FANCI: variants seen among roughly 807,000 people sequenced by gnomAD.
FANCI encodes Fanconi anemia group I protein.
FANCI carries 156 observed loss-of-function variants against 176.1 expected under a neutral mutation model. That is an observed-to-expected ratio of 0.89 (90% CI 0.78 to 1.01). The LOEUF (loss-of-function observed/expected upper bound fraction) is 1.01. FANCI is among the 50% of genes least tolerant of loss of function. FANCI has a pLI of 0.00. For missense variants in FANCI, 1,678 were observed against 1,534.1 expected (o/e 1.09, Z -1.57); for synonymous variants, 613 against 541.7 (o/e 1.13, Z -1.83).
chr15:89,255,433 A>G (rs1227163096), intron 2 of FANCI, among the ~76,000 whole-genome samples: 3 of 152,206 alleles, frequency 2.0e-5, no homozygotes, highest in African/African-American at 7.2e-5. Flanking sequence ...GCATGATCTT[A>G]AAGTGTCTCC....
At chr15:89,315,496 TA>T in intron 37 of FANCI, 107 bp downstream of exon 37, 1 of 782,020 alleles carries the variant, frequency 1.3e-6, no homozygotes, top group Non-Finnish European at 2.3e-6. Flanking sequence ...GGGAAAGGGC[TA>T]AAAGGTGATC....
chr15:89,306,511 G>A (rs961305357), intron 32 of FANCI, among the ~76,000 whole-genome samples: 3 of 152,064 alleles, frequency 2.0e-5, no homozygotes, highest in South Asian at 4.2e-4. Context: ...GGCCAACATG[G>A]TGAAACCCCG....
chr15:89,259,795 G>C (rs957751914), intron 3 of FANCI, among the ~76,000 whole-genome samples: 1 of 152,250 alleles, frequency 6.6e-6, no homozygotes, highest in East Asian at 1.9e-4. Flanking sequence ...TGTTACAAAG[G>C]TTCCTCTATG....
At chr15:89,257,803 C>G (rs1466060153) in intron 2 of FANCI, among the ~76,000 whole-genome samples, 1 of 152,164 alleles carries the variant, frequency 6.6e-6, no homozygotes, top group African/African-American at 2.4e-5. Context: ...TCATCTCTCT[C>G]TTAAACATGG....
intron 19 of FANCI, 124 bp downstream of exon 19, chr15:89,290,405 T>C (rs927784426): frequency 1.3e-6 from 1 of 776,556 alleles, no homozygotes; most frequent in South Asian, 1.5e-5. Flanking sequence ...TTTGTGAACA[T>C]GCTGTGGGTA....
intron 30 of FANCI, 89 bp from the exon 31 acceptor site, chr15:89,305,516 C>T: frequency 2.5e-6 from 4 of 1,594,022 alleles, no homozygotes; most frequent in Non-Finnish European, 3.4e-6. Context: ...AGGCCTGTAA[C>T]CCACCTGTAG....
intron 29 of FANCI, 48 bp downstream of exon 29, chr15:89,305,290 C>G (rs751053846): frequency 1.9e-6 from 3 of 1,614,016 alleles, no homozygotes; most frequent in Non-Finnish European, 2.5e-6. Flanking sequence ...GGATGGGGGT[C>G]AAGGGAACAA....
chr15:89,291,718 A>G lies in FANCI; in HGVS notation c.1992+4A>G. On this transcript the variant is annotated splice_donor_region_variant and intron_variant, in intron 20 of 37. Coordinates refer to ENST00000310775, the MANE Select transcript of FANCI (RefSeq NM_001113378.2). ...GATCTCTCTACAAGAACCACTGGTGAGACTTTTATTCTTCCTTCAACCATT... is the reference window on the plus strand; with the variant it reads ...GATCTCTCTACAAGAACCACTGGTGGGACTTTTATTCTTCCTTCAACCATT... 1.2e-6 allele frequency: 2 copies of G among 1,607,502 alleles called. No homozygotes were observed. Among genetic ancestry groups the G allele is most frequent in the Non-Finnish European group, 1.7e-6 (2 of 1,174,246 alleles).
intron 27 of FANCI, among the ~76,000 whole-genome samples, chr15:89,302,963 C>G (rs371669473): frequency 6.6e-6 from 1 of 152,064 alleles, no homozygotes; most frequent in Non-Finnish European, 1.5e-5. Context: ...AATGGTGTCC[C>G]CCACCCATGT....
chr15:89,259,123 C>T (rs1465437945), intron 3 of FANCI: 2 of 304,490 alleles, frequency 6.6e-6, no homozygotes, highest in South Asian at 3.3e-5. Flanking sequence ...CAAGTAACCT[C>T]TGGGGTTTAA....
At chr15:89,261,508 A>G (rs1201929860) in intron 4 of FANCI, 77 bp from the exon 5 acceptor site, 4 of 1,576,112 alleles carry the variant, frequency 2.5e-6, no homozygotes, top group South Asian at 1.1e-5. Context: ...TATTTCAGCA[A>G]AAGACTTTAT....
chr15:89,298,225 A>T (rs965899414), intron 24 of FANCI, among the ~76,000 whole-genome samples: 20 of 152,194 alleles, frequency 1.3e-4, no homozygotes, highest in Admixed American at 6.5e-4. Context: ...TTTTAGGTGC[A>T]CATGGTGTAT....
rs139859584 is a variant in FANCI, at chr15:89,313,973, T to TCACACACACACA, written c.3721-620_3721-609dup. On this transcript the variant is annotated intron_variant, in intron 35 of 37. Transcript: ENST00000310775. ...TCACGTTAGGGGGAAAGATATATAA[T>TCACACACACACA]CACACACACACACACACACACACAC... Among the ~76,000 whole-genome samples the TCACACACACACA allele has an allele frequency of 3.2e-3, 310 of 98,348 alleles. 3 individuals are homozygous for TCACACACACACA. The highest frequency in any genetic ancestry group is 0.012 in the African/African-American group (289 of 23,426). 64.5% of individuals were successfully genotyped at this position (98,348 alleles called of 152,430 possible).
intron 12 of FANCI, 115 bp downstream of exon 12, chr15:89,274,419 C>A: frequency 8.8e-7 from 1 of 1,131,766 alleles, no homozygotes; most frequent in South Asian, 1.3e-5. Context: ...CAGCTGTTGA[C>A]GTCACACATC....
intron 12 of FANCI, among the ~76,000 whole-genome samples, chr15:89,275,749 G>A (rs1032645200): frequency 3.3e-5 from 5 of 152,208 alleles, no homozygotes; most frequent in African/African-American, 1.2e-4. Flanking sequence ...TTCCTGGAAA[G>A]CTTCCCATCT....
intron 25 of FANCI, 136 bp downstream of exon 25, chr15:89,300,102 C>T (rs994831104): frequency 1.8e-6 from 2 of 1,096,748 alleles, no homozygotes; most frequent in Non-Finnish European, 2.8e-6. Context: ...CTAGTGGATT[C>T]AGGATTGGTA....
chr15:89,305,828 G>A, intron 31 of FANCI, 130 bp downstream of exon 31: 1 of 1,142,410 alleles, frequency 8.8e-7, no homozygotes. Flanking sequence ...TTTTTCCTAT[G>A]TGATGAAAGA....
chr15:89,256,614 T>C (rs1257324266), intron 2 of FANCI, among the ~76,000 whole-genome samples: 1 of 152,184 alleles, frequency 6.6e-6, no homozygotes, highest in Non-Finnish European at 1.5e-5. Context: ...TTGGTGTTTC[T>C]CTTCTTTATA....
intron 28 of FANCI, 151 bp from the exon 29 acceptor site, chr15:89,304,964 C>CG: frequency 1.3e-6 from 1 of 770,798 alleles, no homozygotes; most frequent in African/African-American, 1.7e-5. Flanking sequence ...TTAGTAGAGA[C>CG]GGGGTTTCTC....
Sources: gnomAD v4.1 joint callset for allele counts (sites outside exome capture counted in the v4.1 genomes callset) on GRCh38, gnomAD v4.1.1 for gene constraint, MANE v1.5 for transcripts, NCBI Gene and HGNC (gene_info 2026-07-23, HGNC 2026-07-21) for gene names.